Variants in SLC24A3 observed in about 807,000 individuals in gnomAD.
SLC24A3 encodes solute carrier family 24 member 3.
SLC24A3 carries 28 observed loss-of-function variants against 75.8 expected under a neutral mutation model. The observed-to-expected ratio is 0.37, with a 90% CI of 0.27 to 0.51. The LOEUF is 0.51. Ranked by LOEUF, SLC24A3 falls within the 20% of genes least tolerant of loss-of-function variation. SLC24A3 has a pLI of 0.94. For synonymous variants in SLC24A3, 372 were observed against 334.1 expected (o/e 1.11, Z -1.24); for missense variants, 663 against 847.8 (o/e 0.78, Z 2.71).
At chr20:19,486,406 A>G (rs537651201) in intron 2 of SLC24A3, among the ~76,000 whole-genome samples, 2 of 152,354 alleles carry the variant, frequency 1.3e-5, no homozygotes, top group South Asian at 4.1e-4. Context: ...CTCCTAGAAC[A>G]GTACACCAAA....
chr20:19,631,976 C>G (rs1050826933), intron 6 of SLC24A3, among the ~76,000 whole-genome samples: 8 of 151,992 alleles, frequency 5.3e-5, no homozygotes, highest in African/African-American at 1.9e-4. Context: ...TAGAGAATGG[C>G]AGTAACCACA....
chr20:19,230,062 A>ATTTTT (rs11087276), intron 1 of SLC24A3, among the ~76,000 whole-genome samples: 1 of 146,982 alleles, frequency 6.8e-6, no homozygotes, highest in African/African-American at 2.5e-5. Flanking sequence ...CCCATAATAG[A>ATTTTT]TTTTTTTTTT....
At chr20:19,692,004 A>C (rs1232698368) in intron 12 of SLC24A3, among the ~76,000 whole-genome samples, 1 of 152,220 alleles carries the variant, frequency 6.6e-6, no homozygotes. Flanking sequence ...AAGAGAGGCC[A>C]GAGGGTGCCA....
chr20:19,443,689 T>C (rs542422682), intron 2 of SLC24A3, among the ~76,000 whole-genome samples: 17 of 152,330 alleles, frequency 1.1e-4, no homozygotes, highest in African/African-American at 4.1e-4. Flanking sequence ...TTACATTGGA[T>C]AGGACTTTTA....
intron 2 of SLC24A3, among the ~76,000 whole-genome samples, chr20:19,318,022 G>C (rs958848265): frequency 2.0e-5 from 3 of 152,184 alleles, no homozygotes; most frequent in African/African-American, 7.2e-5. Context: ...GTGCATGGCA[G>C]GCTGGAAATG....
chr20:19,359,187 G>A lies in SLC24A3; in HGVS notation c.271+78100G>A, dbSNP rs1279540052. ...TAATTTTATGATTGATTTGTTGAGG[G>A]ACTGCCAAACTGTTTTCCATGACAG... On this transcript the variant is annotated intron_variant, in intron 2 of 16. Coordinates refer to ENST00000328041, the MANE Select transcript of SLC24A3 (RefSeq NM_020689.4). 2.0e-5 allele frequency among the ~76,000 whole-genome samples: 3 copies of A among 152,048 alleles called. No individual in the cohort carries two copies. In the East Asian group the frequency reaches 5.8e-4, roughly 29 times the overall value.
chr20:19,547,579 C>T (rs1474063260), intron 3 of SLC24A3, among the ~76,000 whole-genome samples: 3 of 152,122 alleles, frequency 2.0e-5, no homozygotes, highest in Non-Finnish European at 2.9e-5. Context: ...GAAATGAAGC[C>T]GGATCTCACA....
intron 2 of SLC24A3, among the ~76,000 whole-genome samples, chr20:19,433,310 C>T (rs1987135936): frequency 6.6e-6 from 1 of 152,178 alleles, no homozygotes; most frequent in Admixed American, 6.5e-5. Flanking sequence ...AGCTCTTACA[C>T]AAACTAATGA....
chr20:19,307,452 A>G (rs1984359358), intron 2 of SLC24A3, among the ~76,000 whole-genome samples: 1 of 152,232 alleles, frequency 6.6e-6, no homozygotes, highest in Admixed American at 6.5e-5. Context: ...ATGAGAAAAG[A>G]TAAAACGTTT....
chr20:19,561,388 GT>G (rs1438037006), intron 3 of SLC24A3, among the ~76,000 whole-genome samples: 1 of 152,112 alleles, frequency 6.6e-6, no homozygotes, highest in Non-Finnish European at 1.5e-5. Flanking sequence ...TAAATCATGT[GT>G]TTGTTAGAAT....
At chr20:19,306,725 G>T (rs1273192669) in intron 2 of SLC24A3, among the ~76,000 whole-genome samples, 1 of 152,074 alleles carries the variant, frequency 6.6e-6, no homozygotes, top group Admixed American at 6.5e-5. Flanking sequence ...GAGGGGGTGA[G>T]GGATGAAAAA....
chr20:19,694,391 T>A (rs1026523026), intron 13 of SLC24A3: 1 of 152,252 alleles, frequency 6.6e-6, no homozygotes, highest in African/African-American at 2.4e-5. Context: ...ATGAAAAAGA[T>A]ATTTTGGTAA....
intron 2 of SLC24A3, among the ~76,000 whole-genome samples, chr20:19,464,719 C>T (rs540527975): frequency 6.6e-6 from 1 of 152,108 alleles, no homozygotes; most frequent in Admixed American, 6.5e-5. Context: ...TTTTAGCAAG[C>T]CTTTAAGTAT....
At chr20:19,628,823 G>A (rs1313188226) in intron 6 of SLC24A3, among the ~76,000 whole-genome samples, 2 of 152,154 alleles carry the variant, frequency 1.3e-5, no homozygotes, top group African/African-American at 4.8e-5. Flanking sequence ...CAACCGCTGG[G>A]AAGATTTGAG....
At chr20:19,554,571 G>C (rs2030752738) in intron 3 of SLC24A3, among the ~76,000 whole-genome samples, 1 of 152,184 alleles carries the variant, frequency 6.6e-6, no homozygotes, top group Non-Finnish European at 1.5e-5. Context: ...TATGGTGCTT[G>C]CTAATAATGT....
At chr20:19,523,736 T>C (rs1417639603) in intron 3 of SLC24A3, among the ~76,000 whole-genome samples, 1 of 152,226 alleles carries the variant, frequency 6.6e-6, no homozygotes, top group African/African-American at 2.4e-5. Flanking sequence ...TTTCCTCATC[T>C]GTCACAGCAC....
intron 2 of SLC24A3, among the ~76,000 whole-genome samples, chr20:19,318,988 A>G (rs541503366): frequency 1.3e-5 from 2 of 152,168 alleles, no homozygotes; most frequent in South Asian, 2.1e-4. Context: ...CTCAGAAGAA[A>G]GTTCGAGAAG....
chr20:19,622,648 G>T (rs1449049883), intron 6 of SLC24A3, among the ~76,000 whole-genome samples: 2 of 152,158 alleles, frequency 1.3e-5, no homozygotes, highest in Non-Finnish European at 2.9e-5. Context: ...TTCCAACCAT[G>T]CTAAATTATT....
At chr20:19,264,418 C>T (rs578204796) in intron 1 of SLC24A3, among the ~76,000 whole-genome samples, 38 of 152,286 alleles carry the variant, frequency 2.5e-4, no homozygotes, top group Admixed American at 5.2e-4. Context: ...CTTCCTGGCT[C>T]AGGGCCTTCC....
Sources: gnomAD v4.1 joint callset for allele counts (sites outside exome capture counted in the v4.1 genomes callset) on GRCh38, gnomAD v4.1.1 for gene constraint, MANE v1.5 for transcripts, NCBI Gene and HGNC (gene_info 2026-07-23, HGNC 2026-07-21) for gene names.